Variants in MYO1E observed in about 807,000 individuals in gnomAD.
The protein encoded by MYO1E is myosin IE.
MYO1E carries 68 observed loss-of-function variants against 151.1 expected under a neutral mutation model. The ratio of observed to expected loss-of-function variants is 0.45; its 90% CI spans 0.37 to 0.55. The LOEUF is 0.55. MYO1E is among the 20% of genes least tolerant of loss of function. The pLI, the probability that MYO1E is intolerant of heterozygous loss-of-function variation, is 0.00. For synonymous variants in MYO1E, 601 were observed against 501.7 expected (o/e 1.20, Z -2.64); for missense variants, 1,363 against 1,389.3 (o/e 0.98, Z 0.30).
At chr15:59,206,958 T>G in intron 14 of MYO1E, 1 of 1,613,768 alleles carries the variant, frequency 6.2e-7, no homozygotes, top group Non-Finnish European at 8.5e-7. Flanking sequence ...GGACTGTGCC[T>G]GTTGTGCGGG....
rs2079374437 is a variant in MYO1E at position 59,136,603 on chromosome 15, A to G, written c.*777T>C. 1 of 418,402 alleles carries G rather than the reference A, an allele frequency of 2.4e-6. No homozygotes were observed. The highest frequency in any genetic ancestry group is 2.7e-5 in the Admixed American group (1 of 37,564). The allele number at this position is 418,402 out of a possible 1,614,324, so 25.9% of individuals were successfully genotyped here. ...ATTCATACATGTTTCTACCATCTCA[A>G]GATTTTTATATATACAGTATATGAT... On this transcript the variant is annotated 3_prime_UTR_variant, in exon 28 of 28. Coordinates refer to ENST00000288235, the MANE Select transcript of MYO1E (RefSeq NM_004998.4).
intron 1 of MYO1E, among the ~76,000 whole-genome samples, chr15:59,294,959 G>A (rs371572100): frequency 6.6e-6 from 1 of 152,048 alleles, no homozygotes; most frequent in Non-Finnish European, 1.5e-5. Context: ...AAGCCTGCAA[G>A]TTCCCAGATT....
chr15:59,275,732 CAAGGTGGATCAATGA>C (rs2080314472), intron 1 of MYO1E, among the ~76,000 whole-genome samples: 1 of 152,080 alleles, frequency 6.6e-6, no homozygotes, highest in African/African-American at 2.4e-5. Flanking sequence ...TCGTCAAGGA[CAAGGTGGATCAATGA>C]AAGCTGGGAA....
intron 7 of MYO1E, 146 bp from the exon 8 acceptor site, chr15:59,224,969 G>T: frequency 9.4e-7 from 1 of 1,066,826 alleles, no homozygotes; most frequent in Non-Finnish European, 1.4e-6. Context: ...ATATGTACTT[G>T]TAGTAGCCCC....
intron 14 of MYO1E, chr15:59,207,050 C>A (rs764963308): frequency 1.1e-5 from 18 of 1,614,246 alleles, no homozygotes; most frequent in Non-Finnish European, 1.4e-5. Flanking sequence ...ACGCGCATCC[C>A]GCTCAACGGC....
intron 26 of MYO1E, among the ~76,000 whole-genome samples, chr15:59,140,649 G>GCT (rs1491131754): frequency 2.0e-5 from 3 of 152,134 alleles, no homozygotes; most frequent in Non-Finnish European, 4.4e-5. Flanking sequence ...TTTGAGCTGT[G>GCT]CTCTCAGGAG....
intron 1 of MYO1E, among the ~76,000 whole-genome samples, chr15:59,322,153 C>A (rs1278961625): frequency 1.4e-5 from 2 of 147,926 alleles, no homozygotes; most frequent in Non-Finnish European, 3.0e-5. Flanking sequence ...CCAGCCCGGG[C>A]AACAGAGTAA....
intron 13 of MYO1E, among the ~76,000 whole-genome samples, chr15:59,209,814 CCTTTTT>C (rs1566979723): frequency 4.0e-5 from 4 of 99,462 alleles, no homozygotes; most frequent in African/African-American, 1.4e-4. Flanking sequence ...TTTTGAATCA[CCTTTTT>C]TTTTTTTTTT....
chr15:59,243,404 A>C (rs2080111683), intron 4 of MYO1E, among the ~76,000 whole-genome samples: 1 of 152,180 alleles, frequency 6.6e-6, no homozygotes, highest in South Asian at 2.1e-4. Flanking sequence ...AGTGCTTTAC[A>C]TGTGTCAATC....
chr15:59,318,184 C>A (rs1596414812), intron 1 of MYO1E, among the ~76,000 whole-genome samples: 1 of 152,138 alleles, frequency 6.6e-6, no homozygotes, highest in African/African-American at 2.4e-5. Context: ...TTAATGAATG[C>A]CTCTGGTATA....
At position 59,217,956 on chromosome 15, in the gene MYO1E, C is replaced by A. The variant is rs763915142; in HGVS notation, c.1042G>T (p.Ala348Ser). 3.1e-6 allele frequency: 5 copies of A among 1,614,212 alleles called. No homozygotes were observed. The East Asian group carries it at 1.1e-4, about 36-fold the overall frequency. ...SIHVTLNVEQ[A>S]CYTRDALAKA... The stretch of plus-strand genomic sequence containing the variant: ...GCGAGCGCATCCCGGGTGTAACAGG[C>A]CTGCTCTACGTTGAGGGTCACGTGG... Residue 348 changes from alanine (A) to serine (S), a missense_variant, in exon 10 of 28, where the codon GCC (alanine) becomes TCC (serine). Transcript: ENST00000288235.
intron 1 of MYO1E, among the ~76,000 whole-genome samples, chr15:59,286,493 C>A (rs1157887839): frequency 6.6e-6 from 1 of 152,102 alleles, no homozygotes; most frequent in Admixed American, 6.5e-5. Flanking sequence ...TTTTAAGGAG[C>A]GGTGACACAG....
chr15:59,165,871 C>T lies in MYO1E; in HGVS notation c.2481-2568G>A, dbSNP rs183030851. ...TTGGCCTTTGGGGTGAGGAATGAAA[C>T]GCCTTCCTGTTTTGGTTGTTTGCTC... On this transcript the variant is annotated intron_variant, in intron 22 of 27. Transcript: ENST00000288235. Among the ~76,000 whole-genome samples the T allele has an allele frequency of 1.8e-4, 28 of 152,294 alleles. No individual in the cohort carries two copies. In the East Asian group the frequency reaches 3.1e-3, roughly 17 times the overall value.
At chr15:59,286,643 C>T (rs1353852028) in intron 1 of MYO1E, among the ~76,000 whole-genome samples, 1 of 152,092 alleles carries the variant, frequency 6.6e-6, no homozygotes, top group Non-Finnish European at 1.5e-5. Flanking sequence ...ATACGGAGTC[C>T]AGGGAAACAA....
chr15:59,217,519 C>CTTTTTTTTTTTT (rs1164320277), intron 10 of MYO1E, among the ~76,000 whole-genome samples: 5 of 53,162 alleles, frequency 9.4e-5, no homozygotes, highest in Non-Finnish European at 1.3e-4. Context: ...GTCGTTTTAC[C>CTTTTTTTTTTTT]TTTTTTTTTT....
At chr15:59,335,064 A>G (rs1362739814) in intron 1 of MYO1E, among the ~76,000 whole-genome samples, 3 of 152,222 alleles carry the variant, frequency 2.0e-5, no homozygotes, top group Non-Finnish European at 4.4e-5. Flanking sequence ...AGATTGTCTC[A>G]AAGAGAACAT....
At chr15:59,267,179 C>T (rs2080261130) in intron 2 of MYO1E, among the ~76,000 whole-genome samples, 1 of 145,440 alleles carries the variant, frequency 6.9e-6, no homozygotes, top group South Asian at 2.3e-4. Flanking sequence ...GCATGCGCCA[C>T]TACGCCCGGC....
intron 1 of MYO1E, among the ~76,000 whole-genome samples, chr15:59,337,422 C>T (rs1236288349): frequency 2.0e-5 from 3 of 152,156 alleles, no homozygotes; most frequent in East Asian, 1.9e-4. Flanking sequence ...AGATATAATT[C>T]GTATAATATA....
Position 59,332,547 on chromosome 15 carries a change from A to C in MYO1E, c.3+39951T>G, listed in dbSNP as rs554528092. 2.0e-5 allele frequency among the ~76,000 whole-genome samples: 3 copies of C among 152,292 alleles called. 1 individual carries two copies. In the South Asian group the frequency reaches 6.2e-4, roughly 32 times the overall value. ...CTGACAGCAGCAGCAGTCCACAGAC[A>C]GGTGTTTCTAGATGTAGTGTCCCCT... On this transcript the variant is annotated intron_variant, in intron 1 of 27. Transcript: ENST00000288235.
Sources: gnomAD v4.1 joint callset for allele counts (sites outside exome capture counted in the v4.1 genomes callset) on GRCh38, gnomAD v4.1.1 for gene constraint, MANE v1.5 for transcripts, NCBI Gene and HGNC (gene_info 2026-07-23, HGNC 2026-07-21) for gene names.